Variants in RHOG observed in about 807,000 individuals in gnomAD.
RHOG encodes ras homolog family member G, also known as rho-related GTP-binding protein RhoG.
In RHOG, 1 loss-of-function variant was observed where a neutral mutation model predicts 12.3. The observed-to-expected ratio is 0.08, with a 90% CI of 0.03 to 0.39. The LOEUF (loss-of-function observed/expected upper bound fraction) is 0.39, where lower values mean the gene tolerates loss of function less well. Among genes scored for constraint, RHOG ranks in the 10% least tolerant of loss-of-function variants. RHOG has a pLI of 0.99. For missense variants in RHOG, 114 were observed against 266.2 expected, an observed-to-expected ratio of 0.43 and a Z score of 3.98; for synonymous variants, 129 against 116.0, an observed-to-expected ratio of 1.11 and a Z score of -0.72.
intron 1 of RHOG, chr11:3,837,971 T>C (rs916903593): frequency 1.3e-5 from 2 of 152,356 alleles, no homozygotes; most frequent in African/African-American, 4.8e-5. Flanking sequence ...TCCCCCCATA[T>C]GAGATGAGGA....
In RHOG at chr11:3,828,143, G is replaced by A; in HGVS notation, c.-5C>T. ...CACGCACTTGATGCTCTGCATCGTG[G>A]GTGCAGTTGCTGTAGTGGAGGCAGT... On this transcript the variant is annotated 5_prime_UTR_variant, in exon 2 of 2. Transcript: ENST00000351018. 1 of 1,610,254 alleles carries A rather than the reference G, an allele frequency of 6.2e-7. No individual in the cohort carries two copies. The highest frequency in any genetic ancestry group is 1.1e-5 in the South Asian group (1 of 90,892).
At chr11:3,838,704 C>T (rs2090170423) in intron 1 of RHOG, among the ~76,000 whole-genome samples, 1 of 152,222 alleles carries the variant, frequency 6.6e-6, no homozygotes, top group South Asian at 2.1e-4. Context: ...AGCTGTAGCA[C>T]TTACTCCCCT....
intron 1 of RHOG, among the ~76,000 whole-genome samples, chr11:3,832,956 C>T (rs942885168): frequency 2.0e-5 from 3 of 151,858 alleles, no homozygotes; most frequent in Admixed American, 2.0e-4. Context: ...AGGCTGGGCC[C>T]AGGAGTGAAG....
intron 1 of RHOG, among the ~76,000 whole-genome samples, chr11:3,832,566 A>C (rs924018859): frequency 2.0e-5 from 3 of 152,190 alleles, no homozygotes; most frequent in African/African-American, 4.8e-5. Flanking sequence ...TGCTGTACAC[A>C]CAGGAGGTGA....
At chr11:3,837,572 A>G (rs149674997) in intron 1 of RHOG, among the ~76,000 whole-genome samples, 1,733 of 152,312 alleles carry the variant, frequency 0.011, 17 homozygotes, top group Non-Finnish European at 0.016. Flanking sequence ...AGGTACTGAT[A>G]TGCAACTCCT....
chr11:3,833,893 A>G (rs1161236270), intron 1 of RHOG, among the ~76,000 whole-genome samples: 1 of 152,130 alleles, frequency 6.6e-6, no homozygotes, highest in East Asian at 1.9e-4. Flanking sequence ...CTTAAGGCCT[A>G]ACTTAAGTCT....
chr11:3,837,173 CAG>C (rs1380357143), intron 1 of RHOG, among the ~76,000 whole-genome samples: 3 of 152,184 alleles, frequency 2.0e-5, no homozygotes. Flanking sequence ...AAAATACCCA[CAG>C]AGAGACCCAG....
chr11:3,831,405 TGA>T (rs998822034), intron 1 of RHOG, among the ~76,000 whole-genome samples: 9 of 149,976 alleles, frequency 6.0e-5, no homozygotes, highest in Middle Eastern at 3.4e-3. Context: ...TTTGCATGAA[TGA>T]GAGAGAGTGT....
At chr11:3,830,051 G>A (rs527808231) in intron 1 of RHOG, among the ~76,000 whole-genome samples, 146 of 152,260 alleles carry the variant, frequency 9.6e-4, no homozygotes, top group African/African-American at 3.4e-3. Context: ...CCGGCCTGGA[G>A]CAAATCTTTC....
rs377155453 is a variant in RHOG, at chr11:3,828,758, C to T, written c.-68-552G>A. The stretch of plus-strand genomic sequence containing the variant: ...GCCTCAGCCTCTCGAGTAGCTGGGA[C>T]TACAGGCACCCACCACCACGCCCGG... On this transcript the variant is annotated intron_variant, in intron 1 of 1. Coordinates refer to ENST00000351018, the MANE Select transcript of RHOG (RefSeq NM_001665.4). 1.2e-3 allele frequency among the ~76,000 whole-genome samples: 182 copies of T among 151,226 alleles called. 1 individual carries two copies. The Middle Eastern group carries it at 0.014, about 11-fold the overall frequency.
At chr11:3,828,229 A>G in intron 1 of RHOG, 23 bp from the exon 2 acceptor site, 1 of 1,230,380 alleles carries the variant, frequency 8.1e-7, no homozygotes. Flanking sequence ...GAAAGGGGAC[A>G]TTCTTGGTTA....
chr11:3,829,779 C>T (rs866684088), intron 1 of RHOG, among the ~76,000 whole-genome samples: 4 of 152,070 alleles, frequency 2.6e-5, no homozygotes, highest in Non-Finnish European at 2.9e-5. Flanking sequence ...CGGAGTCTTG[C>T]TCTGTCGCCC....
intron 1 of RHOG, among the ~76,000 whole-genome samples, chr11:3,828,488 C>T (rs951465268): frequency 2.6e-5 from 4 of 152,144 alleles, no homozygotes; most frequent in Non-Finnish European, 5.9e-5. Context: ...GAAAAAATTG[C>T]TTAACCTCTG....
At chr11:3,839,285 A>G (rs1421828603) in intron 1 of RHOG, among the ~76,000 whole-genome samples, 2 of 151,840 alleles carry the variant, frequency 1.3e-5, no homozygotes, top group African/African-American at 2.4e-5. Flanking sequence ...TTGATTTCCC[A>G]CGGCCTCTCT....
chr11:3,834,214 C>T (rs761336590), intron 1 of RHOG, among the ~76,000 whole-genome samples: 4 of 152,214 alleles, frequency 2.6e-5, no homozygotes, highest in Non-Finnish European at 5.9e-5. Context: ...TAAGCCACTG[C>T]ACCCATGGCC....
intron 1 of RHOG, among the ~76,000 whole-genome samples, chr11:3,838,157 T>C (rs1051176837): frequency 1.3e-5 from 2 of 152,236 alleles, no homozygotes; most frequent in Non-Finnish European, 2.9e-5. Flanking sequence ...CCCTTCTTCA[T>C]GTCACAACCT....
chr11:3,840,070 G>A lies in RHOG; in HGVS notation c.-69+824C>T, dbSNP rs189254767. ...AGCATGTGTATAATTCAGGGACTAA[G>A]AATGAAGAGGAACACTAGGAGATGG... is the stretch of plus-strand genomic sequence containing the variant. On this transcript the variant is annotated intron_variant, in intron 1 of 1. Transcript: ENST00000351018. 3.2e-3 allele frequency among the ~76,000 whole-genome samples: 481 copies of A among 152,318 alleles called. 2 individuals carry two copies. Among genetic ancestry groups the A allele is most frequent in the African/African-American group, 0.011 (461 of 41,572 alleles).
intron 1 of RHOG, among the ~76,000 whole-genome samples, chr11:3,831,163 C>A (rs2090125853): frequency 6.6e-6 from 1 of 152,168 alleles, no homozygotes; most frequent in African/African-American, 2.4e-5. Flanking sequence ...ACCCCCCCAG[C>A]CTGGGCTCTC....
At chr11:3,840,230 C>T (rs1421777429) in intron 1 of RHOG, among the ~76,000 whole-genome samples, 3 of 152,254 alleles carry the variant, frequency 2.0e-5, no homozygotes, top group African/African-American at 7.2e-5. Flanking sequence ...CTCTGGTCAG[C>T]TAGGAACAGC....
Sources: allele counts gnomAD v4.1 joint callset (sites outside exome capture counted in the v4.1 genomes callset), GRCh38; gene constraint gnomAD v4.1.1; transcripts MANE v1.5; gene names NCBI Gene and HGNC (gene_info 2026-07-23, HGNC 2026-07-21).